Variants in SPIDR observed in about 807,000 individuals in gnomAD.
SPIDR encodes DNA repair-scaffolding protein.
In SPIDR, 93 loss-of-function variants were observed where a neutral mutation model predicts 104.6. The ratio of observed to expected loss-of-function variants is 0.89; its 90% CI spans 0.75 to 1.06. SPIDR has a LOEUF of 1.06. SPIDR is among the 50% of genes least tolerant of loss of function. SPIDR has a pLI of 0.00. For synonymous variants in SPIDR, 431 were observed against 416.9 expected, an observed-to-expected ratio of 1.03 and a Z score of -0.41; for missense variants, 1,154 against 1,111.2, an observed-to-expected ratio of 1.04 and a Z score of -0.55.
At chr8:47,388,655 A>C (rs1563816095) in intron 5 of SPIDR, among the ~76,000 whole-genome samples, 1 of 152,150 alleles carries the variant, frequency 6.6e-6, no homozygotes, top group East Asian at 1.9e-4. Flanking sequence ...ATCAGCTCTG[A>C]CCCCTGACAG....
At chr8:47,672,751 T>C (rs949583478) in intron 10 of SPIDR, among the ~76,000 whole-genome samples, 3 of 152,252 alleles carry the variant, frequency 2.0e-5, no homozygotes, top group Non-Finnish European at 4.4e-5. Context: ...CTTTTGACTA[T>C]TCCCACATGA....
intron 8 of SPIDR, among the ~76,000 whole-genome samples, chr8:47,544,912 C>T (rs1369776694): frequency 1.3e-5 from 2 of 152,126 alleles, no homozygotes; most frequent in African/African-American, 4.8e-5. Context: ...AATTGAACTA[C>T]TAATTATATG....
chr8:47,709,049 T>C (rs373812030), intron 14 of SPIDR, among the ~76,000 whole-genome samples: 2 of 151,994 alleles, frequency 1.3e-5, no homozygotes, highest in Non-Finnish European at 2.9e-5. Context: ...CTTGGCTCAC[T>C]GCAACCTCTG....
At chr8:47,279,745 A>G in intron 1 of SPIDR, 117 bp from the exon 2 acceptor site, 4 of 1,000,092 alleles carry the variant, frequency 4.0e-6, no homozygotes, top group South Asian at 1.7e-5. Context: ...CAAAAACTAT[A>G]CCTTTACTGA....
At chr8:47,295,879 T>A (rs1292993486) in intron 5 of SPIDR, among the ~76,000 whole-genome samples, 1 of 152,162 alleles carries the variant, frequency 6.6e-6, no homozygotes, top group Non-Finnish European at 1.5e-5. Flanking sequence ...TTCTCCATAA[T>A]AGCTGTGATA....
At chr8:47,296,714 G>C (rs2040904869) in intron 5 of SPIDR, among the ~76,000 whole-genome samples, 1 of 152,030 alleles carries the variant, frequency 6.6e-6, no homozygotes, top group South Asian at 2.1e-4. Flanking sequence ...TGTTCTTTTC[G>C]CTTTGGCCAT....
chr8:47,524,504 C>A (rs1277391551), intron 8 of SPIDR, among the ~76,000 whole-genome samples: 1 of 152,138 alleles, frequency 6.6e-6, no homozygotes, highest in Non-Finnish European at 1.5e-5. Context: ...CTCTCCTGAC[C>A]ACCCCCGAGG....
intron 8 of SPIDR, among the ~76,000 whole-genome samples, chr8:47,455,096 T>C (rs2072695240): frequency 6.6e-6 from 1 of 152,144 alleles, no homozygotes; most frequent in Non-Finnish European, 1.5e-5. Flanking sequence ...AAAGCCAATG[T>C]TACTGTGCTT....
chr8:47,335,781 C>G (rs2049589050), intron 5 of SPIDR, among the ~76,000 whole-genome samples: 1 of 152,216 alleles, frequency 6.6e-6, no homozygotes, highest in African/African-American at 2.4e-5. Context: ...TCAGTCTACT[C>G]TTGCTTGCAC....
intron 8 of SPIDR, chr8:47,547,304 C>T (rs184406351): frequency 2.9e-4 from 162 of 566,916 alleles, no homozygotes; most frequent in Non-Finnish European, 5.1e-4. Flanking sequence ...CGAAAATTCT[C>T]TCCCATCTAG....
At chr8:47,421,433 G>T (rs190550734) in intron 7 of SPIDR, among the ~76,000 whole-genome samples, 1 of 152,066 alleles carries the variant, frequency 6.6e-6, no homozygotes, top group African/African-American at 2.4e-5. Context: ...TCGTCCTGTC[G>T]TTCTCTTGTT....
intron 5 of SPIDR, among the ~76,000 whole-genome samples, chr8:47,327,308 TG>T (rs782452311): frequency 6.6e-6 from 1 of 152,216 alleles, no homozygotes; most frequent in Non-Finnish European, 1.5e-5. Context: ...TATAAGAGAA[TG>T]ATCTATATAT....
intron 8 of SPIDR, among the ~76,000 whole-genome samples, chr8:47,551,101 TGCATCCCAGG>T (rs2090386308): frequency 6.6e-6 from 1 of 152,228 alleles, no homozygotes; most frequent in Non-Finnish European, 1.5e-5. Context: ...GAACCAGCCT[TGCATCCCAGG>T]GATGAAGCCA....
intron 8 of SPIDR, among the ~76,000 whole-genome samples, chr8:47,572,148 G>C (rs1564366936): frequency 1.3e-5 from 2 of 152,044 alleles, no homozygotes; most frequent in Non-Finnish European, 2.9e-5. Flanking sequence ...GTAGTATTTT[G>C]TTTTCCTGAG....
intron 10 of SPIDR, chr8:47,673,375 C>G: frequency 2.2e-6 from 1 of 456,160 alleles, no homozygotes; most frequent in Non-Finnish European, 4.4e-6. Context: ...CAGCTTTTCT[C>G]AGTATCGAGC....
intron 8 of SPIDR, among the ~76,000 whole-genome samples, chr8:47,496,409 T>G (rs1318548958): frequency 6.6e-6 from 1 of 152,198 alleles, no homozygotes; most frequent in Non-Finnish European, 1.5e-5. Flanking sequence ...ATCATGAACA[T>G]GTATTAAATT....
intron 7 of SPIDR, among the ~76,000 whole-genome samples, chr8:47,431,117 T>G (rs782475668): frequency 5.3e-5 from 8 of 152,046 alleles, no homozygotes; most frequent in Non-Finnish European, 5.9e-5. Context: ...CATGGTGGAG[T>G]CCTGGTGAGA....
At chr8:47,622,706 G>A (rs1473387376) in intron 10 of SPIDR, among the ~76,000 whole-genome samples, 2 of 152,160 alleles carry the variant, frequency 1.3e-5, no homozygotes, top group African/African-American at 4.8e-5. Flanking sequence ...TCATCCACCA[G>A]GATAACTAAT....
In SPIDR at chr8:47,729,454, G is replaced by A. The variant is rs753062424; in HGVS notation, c.2593G>A (p.Gly865Ser). The A allele has an allele frequency of 1.1e-5, 17 of 1,597,114 alleles. No individual in the cohort carries two copies. The highest frequency in any genetic ancestry group is 6.9e-5 in the Admixed American group (4 of 57,648). The part of the protein sequence containing the change: ...SISSLLRFAA[G>S]EDGSYEVKSV... ...TTCCTCCCTGCTGAGGTTTGCCGCC[G>A]GTGAAGATGGGGTAAGTGCAGGGGG... Residue 865 changes from glycine to serine, a missense_variant, in exon 19 of 20, where the codon GGT (glycine) becomes AGT (serine). Coordinates refer to ENST00000297423, the MANE Select transcript of SPIDR (RefSeq NM_001080394.4).
Sources: gnomAD v4.1 joint callset for allele counts (sites outside exome capture counted in the v4.1 genomes callset) on GRCh38, gnomAD v4.1.1 for gene constraint, MANE v1.5 for transcripts, NCBI Gene and HGNC (gene_info 2026-07-23, HGNC 2026-07-21) for gene names.